WWOX: variants seen among roughly 807,000 people sequenced by gnomAD.
The protein encoded by WWOX is WW domain-containing oxidoreductase.
A neutral mutation model predicts 46.2 loss-of-function variants in WWOX; 69 were observed. The ratio of observed to expected loss-of-function variants is 1.49; its 90% CI spans 1.23 to 1.82. The LOEUF is 1.82. Ranked by LOEUF, WWOX falls within the 40% of genes most tolerant of loss-of-function variation. WWOX has a pLI of 0.00. For synonymous variants in WWOX, 359 were observed against 202.6 expected, an observed-to-expected ratio of 1.77 and a Z score of -6.56; for missense variants, 919 against 542.6, an observed-to-expected ratio of 1.69 and a Z score of -6.89.
chr16:79,010,841 G>T (rs1350092073), intron 8 of WWOX, among the ~76,000 whole-genome samples: 2 of 151,970 alleles, frequency 1.3e-5, no homozygotes, highest in Admixed American at 6.6e-5. Context: ...GTGACAGTCT[G>T]GTGGCCTGTG....
intron 8 of WWOX, among the ~76,000 whole-genome samples, chr16:78,983,127 C>T (rs1387332114): frequency 1.3e-5 from 2 of 152,170 alleles, no homozygotes; most frequent in African/African-American, 2.4e-5. Context: ...AGCATCCAAA[C>T]ATCTTTTTCC....
At chr16:78,847,476 G>A (rs1205362777) in intron 8 of WWOX, among the ~76,000 whole-genome samples, 1 of 151,974 alleles carries the variant, frequency 6.6e-6, no homozygotes, top group African/African-American at 2.4e-5. Context: ...CACAACAACT[G>A]GGTTTTTTCA....
intron 5 of WWOX, chr16:78,167,571 A>G (rs867425074): frequency 6.6e-6 from 1 of 152,196 alleles, no homozygotes; most frequent in Non-Finnish European, 1.5e-5. Flanking sequence ...ATTAGATTTG[A>G]TAGGTTGTAG....
chr16:78,502,772 C>G (rs1020316206), intron 8 of WWOX, among the ~76,000 whole-genome samples: 17 of 152,126 alleles, frequency 1.1e-4, no homozygotes, highest in Non-Finnish European at 2.2e-4. Context: ...ATTGCCAAGG[C>G]CAGCAGATCT....
chr16:78,688,148 C>G (rs1405247138), intron 8 of WWOX, among the ~76,000 whole-genome samples: 3 of 151,026 alleles, frequency 2.0e-5, no homozygotes, highest in Non-Finnish European at 4.4e-5. Context: ...AAATGCATTT[C>G]AAATATAAGC....
In WWOX at chr16:78,767,664, G is replaced by A. The variant is rs202039769; in HGVS notation, c.1056+334912G>A. ...TGCCAAACTGTCTTCAACAGCAGCC[G>A]CATCATTTTACATTCCCACCAGCAG... On this transcript the variant is annotated intron_variant, in intron 8 of 8. Coordinates refer to ENST00000566780, the MANE Select transcript of WWOX (RefSeq NM_016373.4). Among the ~76,000 whole-genome samples the A allele has an allele frequency of 2.5e-4, 38 of 152,148 alleles. No homozygotes were observed. In the East Asian group the frequency reaches 5.2e-3, roughly 21 times the overall value.
rs1386813455 is a variant in WWOX, at chr16:78,474,904, A to G, written c.1056+42152A>G. On this transcript the variant is annotated intron_variant, in intron 8 of 8. Transcript: ENST00000566780. ...TTCAAGATACTGCACCTAATTTTTCAGTTCCTTGTTTTTTCTTACAAATAC... is the reference window on the plus strand; with the variant it reads ...TTCAAGATACTGCACCTAATTTTTCGGTTCCTTGTTTTTTCTTACAAATAC... Among the ~76,000 whole-genome samples, 3 of 152,252 alleles carry G rather than the reference A, an allele frequency of 2.0e-5. No homozygotes were observed. The East Asian group carries it at 5.8e-4, about 29-fold the overall frequency.
intron 8 of WWOX, among the ~76,000 whole-genome samples, chr16:78,484,504 A>G (rs1050073780): frequency 1.6e-4 from 24 of 152,352 alleles, no homozygotes; most frequent in African/African-American, 5.5e-4. Context: ...AGTAAGACTT[A>G]TTAGCTGCAT....
rs143772965 is a variant in WWOX, at chr16:78,843,740, C to T, written c.1057-367868C>T. On this transcript the variant is annotated intron_variant, in intron 8 of 8. Transcript: ENST00000566780. ...AAGTCCACAAAACAAAGACAGCCAG[C>T]ATAACTGTTGCATCAAATATTTAGC... 2.1e-3 allele frequency among the ~76,000 whole-genome samples: 324 copies of T among 152,292 alleles called. 3 individuals are homozygous for T. The highest frequency in any genetic ancestry group is 7.2e-3 in the African/African-American group (299 of 41,558).
At chr16:78,714,387 A>T (rs1384730673) in intron 8 of WWOX, among the ~76,000 whole-genome samples, 1 of 151,994 alleles carries the variant, frequency 6.6e-6, no homozygotes, top group East Asian at 1.9e-4. Context: ...AAACCATCAG[A>T]TCTCGTGAGA....
At chr16:79,159,813 T>A (rs77982506) in intron 8 of WWOX, among the ~76,000 whole-genome samples, 7,486 of 152,252 alleles carry the variant, frequency 0.049, 197 homozygotes, top group South Asian at 0.085. Context: ...TTCTAATCCT[T>A]CTAGTTGAGT....
At chr16:79,022,361 A>T (rs1294593770) in intron 8 of WWOX, among the ~76,000 whole-genome samples, 1 of 151,788 alleles carries the variant, frequency 6.6e-6, no homozygotes, top group East Asian at 1.9e-4. Context: ...AAAAAAAAAA[A>T]AAAAAGTCCC....
In WWOX at chr16:78,785,331, A is replaced by C. The variant is rs75896365; in HGVS notation, c.1056+352579A>C. 7.0e-3 allele frequency among the ~76,000 whole-genome samples: 1,060 copies of C among 152,280 alleles called. 20 individuals carry two copies. Among genetic ancestry groups the C allele is most frequent in the African/African-American group, 0.024 (1,011 of 41,552 alleles). On this transcript the variant is annotated intron_variant, in intron 8 of 8. Transcript: ENST00000566780. ...CAGCAGCTTTGAGCACCCTGCTCTG[A>C]ATGTTTCTTGGGCAGCAGCAGCTAG...
chr16:78,492,328 C>T (rs1253772114), intron 8 of WWOX, among the ~76,000 whole-genome samples: 1 of 152,164 alleles, frequency 6.6e-6, no homozygotes, highest in African/African-American at 2.4e-5. Context: ...TATCTGCTAG[C>T]AAAGTGGGTA....
At position 78,646,516 on chromosome 16, in the gene WWOX, C is replaced by T. The variant is rs116043874; in HGVS notation, c.1056+213764C>T. 3.2e-3 allele frequency among the ~76,000 whole-genome samples: 483 copies of T among 152,236 alleles called. 3 individuals are homozygous for T. The highest frequency in any genetic ancestry group is 0.011 in the African/African-American group (462 of 41,542). Reference sequence around the variant, plus strand: ...GATCTTAGCTCACTGCATCCCCTGTCTCCCGGATTCAAGCAATTCTCTGGC... The same window carrying T: ...GATCTTAGCTCACTGCATCCCCTGTTTCCCGGATTCAAGCAATTCTCTGGC... On this transcript the variant is annotated intron_variant, in intron 8 of 8. Transcript: ENST00000566780.
At chr16:78,892,996 G>A (rs546475922) in intron 8 of WWOX, among the ~76,000 whole-genome samples, 14 of 152,252 alleles carry the variant, frequency 9.2e-5, no homozygotes, top group African/African-American at 2.9e-4. Flanking sequence ...CTTCAAGAGC[G>A]ACAGCAGGAA....
intron 6 of WWOX, among the ~76,000 whole-genome samples, chr16:78,406,889 G>C (rs967020390): frequency 2.6e-5 from 4 of 152,198 alleles, no homozygotes; most frequent in African/African-American, 9.6e-5. Context: ...GCCTCCCAAA[G>C]TGCTGGGATT....
At chr16:78,625,740 C>T (rs771016497) in intron 8 of WWOX, among the ~76,000 whole-genome samples, 1 of 127,064 alleles carries the variant, frequency 7.9e-6, no homozygotes. Flanking sequence ...TTTACTTCTG[C>T]AGTTTTTTTG....
chr16:78,983,822 G>A (rs1488071487), intron 8 of WWOX, among the ~76,000 whole-genome samples: 1 of 150,218 alleles, frequency 6.7e-6, no homozygotes, highest in East Asian at 2.0e-4. Flanking sequence ...CTTAACTAAT[G>A]CAGAACGATA....
Sources: allele counts gnomAD v4.1 joint callset (sites outside exome capture counted in the v4.1 genomes callset), GRCh38; gene constraint gnomAD v4.1.1; transcripts MANE v1.5; gene names NCBI Gene and HGNC (gene_info 2026-07-23, HGNC 2026-07-21).